TMEM196: variants seen among roughly 807,000 people sequenced by gnomAD.
TMEM196 encodes the protein transmembrane protein 196.
In TMEM196, 17 loss-of-function variants were observed where a neutral mutation model predicts 20.0. The ratio of observed to expected loss-of-function variants is 0.85; its 90% confidence interval spans 0.58 to 1.27. The LOEUF is 1.27. Among genes scored for constraint, TMEM196 ranks in the 50% most tolerant of loss-of-function variants. The pLI is 0.00. For synonymous variants in TMEM196, 113 were observed against 88.9 expected (o/e 1.27, Z -1.52); for missense variants, 267 against 223.0 (o/e 1.20, Z -1.26).
At chr7:19,757,337 CTTTT>C (rs59859025) in intron 1 of TMEM196, among the ~76,000 whole-genome samples, 11 of 70,874 alleles carry the variant, frequency 1.6e-4, no homozygotes, top group African/African-American at 5.5e-4. Context: ...CCACACCCAG[CTTTT>C]TTTTTTTTTT....
intron 2 of TMEM196, among the ~76,000 whole-genome samples, chr7:19,726,970 C>T (rs927459918): frequency 6.6e-6 from 1 of 152,114 alleles, no homozygotes; most frequent in Admixed American, 6.6e-5. Context: ...CTTCCTTAGA[C>T]TCATGGATGA....
chr7:19,758,570 C>T (rs981624818), intron 1 of TMEM196, among the ~76,000 whole-genome samples: 7 of 152,198 alleles, frequency 4.6e-5, no homozygotes, highest in Admixed American at 1.3e-4. Flanking sequence ...GCCAGCTATG[C>T]TGATTCTCTG....
chr7:19,759,345 C>A (rs1386628253), intron 1 of TMEM196, among the ~76,000 whole-genome samples: 2 of 152,172 alleles, frequency 1.3e-5, no homozygotes, highest in Non-Finnish European at 1.5e-5. Context: ...ATCTCTCTGG[C>A]CAAACTTCTC....
At chr7:19,753,116 T>TA (rs1229232937) in intron 1 of TMEM196, among the ~76,000 whole-genome samples, 1 of 152,190 alleles carries the variant, frequency 6.6e-6, no homozygotes, top group Non-Finnish European at 1.5e-5. Flanking sequence ...TTCTTATTCT[T>TA]ACTATTCTCC....
At chr7:19,738,327 G>T (rs557018889) in intron 1 of TMEM196, among the ~76,000 whole-genome samples, 1 of 152,046 alleles carries the variant, frequency 6.6e-6, no homozygotes, top group South Asian at 2.1e-4. Context: ...GGAGTTGTAG[G>T]TATCAGTATT....
At position 19,721,901 on chromosome 7, in the gene TMEM196, C is replaced by T; in HGVS notation, c.*227G>A. On this transcript the variant is annotated 3_prime_UTR_variant, in exon 5 of 5. Transcript: ENST00000405844. ...AGAATGTTTCTGGAAAGTTTTTTAC[C>T]CCATAAAAAAGGGTGGAGAAACCAG... 8.9e-6 allele frequency: 5 copies of T among 562,884 alleles called. No individual in the cohort carries two copies. Among genetic ancestry groups the T allele is most frequent in the South Asian group, 2.4e-5 (1 of 41,880 alleles). The allele number at this position is 562,884 out of a possible 1,614,324, so 34.9% of individuals were successfully genotyped here. A position where few individuals can be genotyped will look rare whatever the true frequency, so the allele number is the denominator to read the frequency against.
rs142871525 is a variant in TMEM196, at chr7:19,741,724, C to G, written c.148-12286G>C. 9.5e-4 allele frequency among the ~76,000 whole-genome samples: 145 copies of G among 152,094 alleles called. 1 individual carries two copies. The East Asian group carries it at 0.022, about 23-fold the overall frequency. On this transcript the variant is annotated intron_variant, in intron 1 of 4. Transcript: ENST00000405844. ...GTACTTTTGCACTGAGTGATGATTG[C>G]AAAAATATGTTTTAGAGATGAGAAG...
At chr7:19,746,757 A>G (rs1363263734) in intron 1 of TMEM196, among the ~76,000 whole-genome samples, 2 of 152,194 alleles carry the variant, frequency 1.3e-5, no homozygotes, top group African/African-American at 2.4e-5. Flanking sequence ...CAAATTTTGT[A>G]TTTTGGGCCA....
chr7:19,755,289 A>C (rs1785161787), intron 1 of TMEM196, among the ~76,000 whole-genome samples: 1 of 152,188 alleles, frequency 6.6e-6, no homozygotes. Flanking sequence ...AAAGGTTTTA[A>C]ACTCCTCCTG....
intron 1 of TMEM196, among the ~76,000 whole-genome samples, chr7:19,732,321 C>T (rs1165916574): frequency 2.0e-5 from 3 of 151,920 alleles, no homozygotes; most frequent in Non-Finnish European, 4.4e-5. Flanking sequence ...ACACCTGTAA[C>T]CCCAGCATGT....
In TMEM196 at chr7:19,724,368, A is replaced by T. The variant is rs568204996; in HGVS notation, c.460-15T>A. On this transcript the variant is annotated splice_polypyrimidine_tract_variant and intron_variant, in intron 3 of 4. Coordinates refer to ENST00000405844, the MANE Select transcript of TMEM196 (RefSeq NM_001363562.2). ...GCCCTCAATCTCTAATGTAAATATAACAATCATACAATAAATATTGCACAA... is the reference window on the plus strand; with the variant it reads ...GCCCTCAATCTCTAATGTAAATATATCAATCATACAATAAATATTGCACAA... 4 of 1,548,472 alleles carry T rather than the reference A, an allele frequency of 2.6e-6. No individual in the cohort carries two copies. In the Admixed American group the frequency reaches 7.8e-5, roughly 30 times the overall value.
At chr7:19,770,296 C>T (rs189141173) in intron 1 of TMEM196, among the ~76,000 whole-genome samples, 1 of 152,046 alleles carries the variant, frequency 6.6e-6, no homozygotes, top group African/African-American at 2.4e-5. Context: ...TAAGACAGTG[C>T]TCTGACTCAT....
chr7:19,743,131 ACTGGTG>A (rs1388365518), intron 1 of TMEM196, among the ~76,000 whole-genome samples: 3 of 152,156 alleles, frequency 2.0e-5, no homozygotes, highest in Non-Finnish European at 4.4e-5. Flanking sequence ...CCATCAAAGA[ACTGGTG>A]GTATATCTGG....
At chr7:19,772,339 G>GAAACAAAACAAAACA (rs3030522) in intron 1 of TMEM196, among the ~76,000 whole-genome samples, 6 of 138,542 alleles carry the variant, frequency 4.3e-5, no homozygotes, top group African/African-American at 1.4e-4. Flanking sequence ...GCCCAAGTAA[G>GAAACAAAACAAAACA]AAACAAAACA....
intron 2 of TMEM196, among the ~76,000 whole-genome samples, chr7:19,728,617 G>A (rs1357870561): frequency 6.6e-6 from 1 of 152,120 alleles, no homozygotes; most frequent in Admixed American, 6.5e-5. Flanking sequence ...GGCTCAAAGG[G>A]TACTTCCTAG....
chr7:19,766,844 A>C (rs1785651929), intron 1 of TMEM196, among the ~76,000 whole-genome samples: 1 of 152,056 alleles, frequency 6.6e-6, no homozygotes, highest in African/African-American at 2.4e-5. Context: ...ATGAATATAC[A>C]AAAAAGTTAG....
At chr7:19,728,502 G>A (rs930745056) in intron 2 of TMEM196, among the ~76,000 whole-genome samples, 6 of 152,190 alleles carry the variant, frequency 3.9e-5, no homozygotes, top group Non-Finnish European at 7.4e-5. Flanking sequence ...ATGTTCTCAC[G>A]AAGAAAGATG....
At chr7:19,731,435 G>A (rs113926299) in intron 1 of TMEM196, among the ~76,000 whole-genome samples, 202 of 152,246 alleles carry the variant, frequency 1.3e-3, no homozygotes, top group Admixed American at 2.5e-3. Flanking sequence ...TTTGAAGGCA[G>A]TGCTCAAGAA....
intron 1 of TMEM196, among the ~76,000 whole-genome samples, chr7:19,742,645 C>G (rs1583435240): frequency 1.3e-5 from 2 of 152,152 alleles, no homozygotes; most frequent in African/African-American, 4.8e-5. Flanking sequence ...TGTTTCTTCT[C>G]CACAGGTAGT....
Sources: gnomAD v4.1 joint callset for allele counts (sites outside exome capture counted in the v4.1 genomes callset) on GRCh38, gnomAD v4.1.1 for gene constraint, MANE v1.5 for transcripts, NCBI Gene and HGNC (gene_info 2026-07-23, HGNC 2026-07-21) for gene names.